Variants in KMT2C observed in about 807,000 individuals in gnomAD.
The protein encoded by KMT2C is lysine methyltransferase 2C.
Under a neutral mutation model 507.9 loss-of-function variants are expected in KMT2C, and 88 were observed. The ratio of observed to expected loss-of-function variants is 0.17; its 90% confidence interval spans 0.15 to 0.21. KMT2C has a LOEUF of 0.21. Ranked by LOEUF, KMT2C falls within the 10% of genes least tolerant of loss-of-function variation. The pLI, the probability that KMT2C is intolerant of heterozygous loss-of-function variation, is 1.00. For missense variants in KMT2C, 4,954 were observed against 5,957.8 expected (o/e 0.83, Z 5.55); for synonymous variants, 2,049 against 2,080.8 (o/e 0.98, Z 0.42).
intron 43 of KMT2C, among the ~76,000 whole-genome samples, chr7:152,161,182 T>C (rs979284518): frequency 2.6e-5 from 4 of 152,066 alleles, no homozygotes; most frequent in African/African-American, 7.2e-5. Flanking sequence ...ACCAGTAAAA[T>C]TTACAAAAAT....
intron 15 of KMT2C, among the ~76,000 whole-genome samples, chr7:152,237,795 C>T (rs142476221): frequency 5.9e-5 from 9 of 152,012 alleles, no homozygotes; most frequent in African/African-American, 1.9e-4. Context: ...CCACTGCGCC[C>T]GGCCGAGTTT....
intron 42 of KMT2C, 93 bp from the exon 43 acceptor site, chr7:152,163,919 G>C: frequency 8.0e-7 from 1 of 1,250,078 alleles, no homozygotes; most frequent in Non-Finnish European, 1.2e-6. Context: ...GTTACACAGA[G>C]GGCAGTTTGG....
At chr7:152,240,803 T>C (rs1374559462) in intron 14 of KMT2C, among the ~76,000 whole-genome samples, 1 of 152,192 alleles carries the variant, frequency 6.6e-6, no homozygotes, top group Non-Finnish European at 1.5e-5. Context: ...TTCTACTTCT[T>C]GTCACTTCCA....
chr7:152,259,625 T>TA (rs2095734330), intron 9 of KMT2C, among the ~76,000 whole-genome samples: 3 of 152,188 alleles, frequency 2.0e-5, no homozygotes, highest in African/African-American at 7.2e-5. Flanking sequence ...AAAAACTTTC[T>TA]AAAAACACAT....
rs2129097468 is a variant in KMT2C, at chr7:152,152,739, C to T, written c.12492G>A (p.Lys4164=). 1 of 1,614,202 alleles carries T rather than the reference C, an allele frequency of 6.2e-7. No individual in the cohort carries two copies. The highest frequency in any genetic ancestry group is 8.5e-7 in the Non-Finnish European group (1 of 1,180,046). The change falls in exon 49 of 59, where the codon AAG becomes AAA. Residue 4164 remains lysine, a synonymous_variant. Coordinates refer to ENST00000262189, the MANE Select transcript of KMT2C (RefSeq NM_170606.3). Reference sequence around the variant, plus strand: ...TTGGAGGAAATGGTACATTAGGCTGCTTCAGCCGGTAAGAGCTCACTAATC... The same window carrying T: ...TTGGAGGAAATGGTACATTAGGCTGTTTCAGCCGGTAAGAGCTCACTAATC... ...PPRLVSSYRL[K]QPNVPFPPTS...
chr7:152,246,455 C>T (rs180977174), intron 14 of KMT2C, among the ~76,000 whole-genome samples: 353 of 152,110 alleles, frequency 2.3e-3, no homozygotes, highest in Middle Eastern at 6.8e-3. Context: ...CCCAATATTT[C>T]GGAACATAAA....
Position 152,177,822 on chromosome 7 carries a change from T to C in KMT2C, c.7631A>G (p.Gln2544Arg), listed in dbSNP as rs752687658. The C allele has an allele frequency of 3.1e-6, 5 of 1,613,710 alleles. No individual in the cohort carries two copies. Among genetic ancestry groups the C allele is most frequent in the East Asian group, 4.5e-5 (2 of 44,870 alleles). The change falls in exon 38 of 59, where the codon CAG becomes CGG. Residue 2544 changes from glutamine (Q) to arginine (R), a missense_variant. Coordinates refer to ENST00000262189, the MANE Select transcript of KMT2C (RefSeq NM_170606.3). ...GTTGTGCTGCTGAACTGGCAAGCTC[T>C]GTGGTGAAAAATGCTGAGGAAGTCC... The part of the protein sequence containing the change: ...PVGLPQHFSP[Q>R]SLPVQQHNIL...
intron 1 of KMT2C, among the ~76,000 whole-genome samples, chr7:152,399,544 C>T (rs926750910): frequency 6.6e-6 from 1 of 152,002 alleles, no homozygotes; most frequent in Non-Finnish European, 1.5e-5. Flanking sequence ...AACAGCTTAA[C>T]CCTAAAGTAA....
intron 7 of KMT2C, among the ~76,000 whole-genome samples, chr7:152,271,352 G>T (rs1448438235): frequency 6.6e-6 from 1 of 151,952 alleles, no homozygotes; most frequent in South Asian, 2.1e-4. Flanking sequence ...GGGTCAGAAC[G>T]CTGTGTAGTT....
chr7:152,415,188 A>G (rs1322565028), intron 1 of KMT2C, among the ~76,000 whole-genome samples: 1 of 152,148 alleles, frequency 6.6e-6, no homozygotes, highest in Non-Finnish European at 1.5e-5. Context: ...CTAGATTATT[A>G]TGAAAAACAG....
chr7:152,263,701 T>C (rs1187892846), intron 8 of KMT2C, among the ~76,000 whole-genome samples: 3 of 152,202 alleles, frequency 2.0e-5, no homozygotes, highest in Non-Finnish European at 4.4e-5. Context: ...ATTAAGCAAT[T>C]AAATGCTGAA....
At chr7:152,201,617 G>GAAAAAAAAAAAAAAAAAAAAAA (rs745427209) in intron 26 of KMT2C, among the ~76,000 whole-genome samples, 2 of 22,906 alleles carry the variant, frequency 8.7e-5, no homozygotes, top group Non-Finnish European at 3.8e-4. Flanking sequence ...CAACAAAGAT[G>GAAAAAAAAAAAAAAAAAAAAAA]AAAAAAAAAA....
At chr7:152,184,091 A>AT (rs1373197234) in intron 34 of KMT2C, among the ~76,000 whole-genome samples, 5 of 150,694 alleles carry the variant, frequency 3.3e-5, no homozygotes, top group Non-Finnish European at 5.9e-5. Context: ...AAAAAAAAAA[A>AT]TTTAGAAAAA....
rs149914496 is a variant in KMT2C at position 152,306,939 on chromosome 7, G to A, written c.849+3027C>T. Among the ~76,000 whole-genome samples, 326 of 152,274 alleles carry A rather than the reference G, an allele frequency of 2.1e-3. 3 individuals carry two copies. The highest frequency in any genetic ancestry group is 0.01 in the Middle Eastern group (3 of 294). ...TTCGGGAGGATGAGGTGGGAGTATC[G>A]CTTAAGCTCAGGAGATAGAGACTAG... is the stretch of plus-strand genomic sequence containing the variant. On this transcript the variant is annotated intron_variant, in intron 6 of 58. Coordinates refer to ENST00000262189, the MANE Select transcript of KMT2C (RefSeq NM_170606.3).
rs752707825 is a variant in KMT2C at position 152,163,556 on chromosome 7, G to A, written c.10021C>T (p.Pro3341Ser). 7 of 1,608,760 alleles carry A rather than the reference G, an allele frequency of 4.4e-6. No homozygotes were observed. Among genetic ancestry groups the A allele is most frequent in the African/African-American group, 2.7e-5 (2 of 74,870 alleles). ...GGAGGATTGAGGGGCAGGTGGGCAG[G>A]AGCACTGTTGGGTTGCCATCCAGGT... Reference protein sequence around the residue: ...SLPGWQPNSAPAHLPLNPPRI... With the variant: ...SLPGWQPNSASAHLPLNPPRI... Residue 3341 changes from proline (P) to serine (S), a missense_variant, in exon 43 of 59, where the codon CCT becomes TCT. Coordinates refer to ENST00000262189, the MANE Select transcript of KMT2C (RefSeq NM_170606.3).
chr7:152,176,125 A>G (rs2093197964), intron 38 of KMT2C, 66 bp downstream of exon 38: 4 of 1,363,090 alleles, frequency 2.9e-6, no homozygotes, highest in Non-Finnish European at 4.0e-6. Flanking sequence ...ATAAAATCTT[A>G]TAAGCATATC....
chr7:152,327,565 A>G (rs2096840438), intron 3 of KMT2C, among the ~76,000 whole-genome samples: 1 of 152,234 alleles, frequency 6.6e-6, no homozygotes, highest in African/African-American at 2.4e-5. Flanking sequence ...TAATCTCTAT[A>G]TAACACATAG....
intron 2 of KMT2C, among the ~76,000 whole-genome samples, chr7:152,332,893 A>ACACACAC (rs1563897137): frequency 3.0e-5 from 3 of 99,856 alleles, no homozygotes; most frequent in African/African-American, 1.3e-4. Context: ...CACACACACA[A>ACACACAC]ATTATTCTCG....
intron 39 of KMT2C, 124 bp from the exon 40 acceptor site, chr7:152,171,466 T>C: frequency 1.7e-6 from 1 of 585,480 alleles, no homozygotes; most frequent in Non-Finnish European, 2.9e-6. Context: ...AATTTCTTCT[T>C]CATCAAAACA....
Sources: gnomAD v4.1 joint callset for allele counts (sites outside exome capture counted in the v4.1 genomes callset) on GRCh38, gnomAD v4.1.1 for gene constraint, MANE v1.5 for transcripts, NCBI Gene and HGNC (gene_info 2026-07-23, HGNC 2026-07-21) for gene names.